The following MRTFB variants were observed in gnomAD, a reference collection of about 807,000 sequenced individuals.
MRTFB encodes myocardin related transcription factor B.
Under a neutral mutation model 104.2 loss-of-function variants are expected in MRTFB, and 29 were observed. The observed-to-expected ratio is 0.28, with a 90% CI of 0.21 to 0.38. The LOEUF is 0.38. Ranked by LOEUF, MRTFB falls within the 10% of genes least tolerant of loss-of-function variation. The probability of loss-of-function intolerance (pLI) is 1.00; values close to 1 mark genes in which losing one functional copy is unlikely to be tolerated. For synonymous variants in MRTFB, 535 were observed against 519.5 expected (o/e 1.03, Z -0.41); for missense variants, 1,270 against 1,341.6 (o/e 0.95, Z 0.83).
At chr16:14,175,428 T>C (rs560739043) in intron 3 of MRTFB, among the ~76,000 whole-genome samples, 1 of 152,364 alleles carries the variant, frequency 6.6e-6, no homozygotes, top group South Asian at 2.1e-4. Flanking sequence ...TTCATCCATG[T>C]TGTTTATGTA....
At chr16:14,134,513 C>T (rs2142480677) in intron 2 of MRTFB, among the ~76,000 whole-genome samples, 1 of 152,346 alleles carries the variant, frequency 6.6e-6, no homozygotes, top group Admixed American at 6.5e-5. Flanking sequence ...GGCCATGAAG[C>T]TCCTGTTAAG....
chr16:14,129,061 A>G (rs1186278188), intron 2 of MRTFB, among the ~76,000 whole-genome samples: 1 of 152,174 alleles, frequency 6.6e-6, no homozygotes, highest in African/African-American at 2.4e-5. Context: ...TGCGTTTGAG[A>G]TTCAGGCATG....
intron 2 of MRTFB, among the ~76,000 whole-genome samples, chr16:14,112,887 T>C (rs1280024280): frequency 1.3e-5 from 2 of 152,324 alleles, no homozygotes; most frequent in East Asian, 3.9e-4. Flanking sequence ...AATGGCACTC[T>C]TCCTGCCAAG....
chr16:14,215,399 G>A (rs745949599), intron 6 of MRTFB, among the ~76,000 whole-genome samples: 1 of 152,184 alleles, frequency 6.6e-6, no homozygotes, highest in Non-Finnish European at 1.5e-5. Context: ...TGGCAGGCAA[G>A]GGTCTAAGTT....
intron 1 of MRTFB, among the ~76,000 whole-genome samples, chr16:14,076,245 G>T (rs1411505697): frequency 6.6e-6 from 1 of 151,962 alleles, no homozygotes; most frequent in Non-Finnish European, 1.5e-5. Flanking sequence ...AGGCTGGAGT[G>T]CAGTGGCACC....
chr16:14,048,097 A>G, the MRTFB span, among the ~76,000 whole-genome samples: 2 of 152,346 alleles, frequency 1.3e-5, no homozygotes, highest in East Asian at 3.9e-4. Context: ...AAATTGGCCA[A>G]AATGAAGGGG....
intron 4 of MRTFB, among the ~76,000 whole-genome samples, chr16:14,210,666 AAATT>A (rs1043984397): frequency 5.3e-5 from 8 of 152,306 alleles, no homozygotes; most frequent in East Asian, 1.9e-4. Context: ...AAAAAACATA[AAATT>A]AATTTACAAT....
chr16:14,124,986 G>T (rs778172302), intron 2 of MRTFB, among the ~76,000 whole-genome samples: 2 of 152,036 alleles, frequency 1.3e-5, no homozygotes, highest in African/African-American at 4.8e-5. Flanking sequence ...GGGTTGAATT[G>T]TTCAAAACTG....
In MRTFB at chr16:14,140,659, A is replaced by G. The variant is rs758203532; in HGVS notation, c.53A>G (p.His18Arg). 6.2e-7 allele frequency: 1 copy of G among 1,614,170 alleles called. No individual in the cohort carries two copies. The highest frequency in any genetic ancestry group is 1.1e-5 in the South Asian group (1 of 91,082). Residue 18 changes from histidine (H) to arginine (R), a missense_variant, in exon 3 of 17, where the codon CAT (histidine) becomes CGT (arginine). Physicochemically the swap from His to Arg is conservative, Grantham distance 29. Around this residue, in one of 3 missense-constraint regions of MRTFB, gnomAD observed 62 missense variants for 57.2 expected, o/e 1.08. Coordinates refer to ENST00000571589, the MANE Select transcript of MRTFB (RefSeq NM_001308142.2). ...DTEDEVGPLA[H>R]LAPSPQSEAV... Reference sequence around the variant, plus strand: ...GAGGATGAAGTGGGACCTTTAGCCCATCTTGCTCCAAGTCCTCAGAGTGAA... The same window carrying G: ...GAGGATGAAGTGGGACCTTTAGCCCGTCTTGCTCCAAGTCCTCAGAGTGAA...
the MRTFB span, among the ~76,000 whole-genome samples, chr16:14,061,966 C>T: frequency 2.0e-5 from 3 of 152,190 alleles, no homozygotes; most frequent in Non-Finnish European, 4.4e-5. Flanking sequence ...AACAAAGAAG[C>T]CAACTGGAGT....
chr16:14,034,340 A>G, the MRTFB span, among the ~76,000 whole-genome samples: 1 of 152,190 alleles, frequency 6.6e-6, no homozygotes, highest in Non-Finnish European at 1.5e-5. Flanking sequence ...TTGGCCAGGC[A>G]TGGTGGCTCA....
At chr16:14,187,444 G>T (rs1329987339) in intron 3 of MRTFB, among the ~76,000 whole-genome samples, 1 of 151,970 alleles carries the variant, frequency 6.6e-6, no homozygotes. Flanking sequence ...CATTTTTTCA[G>T]TTAAGATGCT....
the MRTFB span, among the ~76,000 whole-genome samples, chr16:13,995,763 G>A: frequency 1.3e-5 from 2 of 152,050 alleles, no homozygotes; most frequent in Non-Finnish European, 2.9e-5. Context: ...GAGTGAAGGG[G>A]GAAGTGCCAT....
intron 11 of MRTFB, among the ~76,000 whole-genome samples, chr16:14,246,113 C>G (rs886910039): frequency 6.6e-6 from 1 of 152,146 alleles, no homozygotes; most frequent in Non-Finnish European, 1.5e-5. Context: ...ATACGGACAC[C>G]TCATGGGGTC....
At chr16:14,240,902 G>C in intron 10 of MRTFB, 1 of 613,464 alleles carries the variant, frequency 1.6e-6, no homozygotes, top group Non-Finnish European at 2.9e-6. Context: ...TTTGTATATA[G>C]AAGGCTCGAG....
the MRTFB span, among the ~76,000 whole-genome samples, chr16:14,023,620 CATAT>C: frequency 6.8e-5 from 4 of 58,730 alleles, no homozygotes; most frequent in African/African-American, 1.6e-4. Context: ...CATACATATA[CATAT>C]ACATATACAT....
chr16:14,230,928 A>G (rs1447157966), intron 8 of MRTFB, among the ~76,000 whole-genome samples: 5 of 151,014 alleles, frequency 3.3e-5, no homozygotes, highest in East Asian at 1.9e-4. Context: ...TGTGGCACAT[A>G]TACACCATGG....
At chr16:14,008,971 G>C in the MRTFB span, among the ~76,000 whole-genome samples, 2 of 52,844 alleles carry the variant, frequency 3.8e-5, no homozygotes, top group Non-Finnish European at 1.0e-4. Flanking sequence ...TTTAGAGACA[G>C]GGTCTCTCTC....
At chr16:14,104,898 T>G (rs923687749) in intron 2 of MRTFB, among the ~76,000 whole-genome samples, 63 of 152,206 alleles carry the variant, frequency 4.1e-4, no homozygotes, top group African/African-American at 1.1e-3. Context: ...AGCTGAGTAG[T>G]TAGAGGACAC....
Sources: allele counts gnomAD v4.1 joint callset (sites outside exome capture counted in the v4.1 genomes callset), GRCh38; gene constraint gnomAD v4.1.1; regional missense constraint gnomAD v4.1.1; transcripts MANE v1.5; gene names NCBI Gene and HGNC (gene_info 2026-07-23, HGNC 2026-07-21).